ZNF385B: variants seen among roughly 807,000 people sequenced by gnomAD.
The protein encoded by ZNF385B is zinc finger protein 533.
A neutral mutation model predicts 39.2 loss-of-function variants in ZNF385B; 23 were observed. That is an observed-to-expected ratio of 0.59 (90% CI 0.42 to 0.83). ZNF385B has a LOEUF of 0.83. ZNF385B is among the 40% of genes least tolerant of loss of function. The pLI is 0.00. For missense variants in ZNF385B, 552 were observed against 598.9 expected, an observed-to-expected ratio of 0.92 and a Z score of 0.82; for synonymous variants, 205 against 222.6, an observed-to-expected ratio of 0.92 and a Z score of 0.70.
chr2:179,488,931 A>G (rs2054909890), intron 5 of ZNF385B, among the ~76,000 whole-genome samples: 1 of 152,242 alleles, frequency 6.6e-6, no homozygotes, highest in East Asian at 1.9e-4. Flanking sequence ...GATTAAAAAC[A>G]AAGACCCCTA....
At chr2:179,749,709 T>C (rs953752647) in intron 3 of ZNF385B, among the ~76,000 whole-genome samples, 6 of 152,108 alleles carry the variant, frequency 3.9e-5, no homozygotes, top group Non-Finnish European at 7.4e-5. Context: ...TGGGTAACAC[T>C]TCTATTCCAG....
At chr2:179,460,538 T>G (rs989278334) in intron 6 of ZNF385B, among the ~76,000 whole-genome samples, 1 of 152,202 alleles carries the variant, frequency 6.6e-6, no homozygotes, top group Non-Finnish European at 1.5e-5. Flanking sequence ...CTTGCTTTTC[T>G]ACAATCCCTT....
chr2:179,704,355 ATAG>A (rs1699431616), intron 3 of ZNF385B, among the ~76,000 whole-genome samples: 1 of 152,228 alleles, frequency 6.6e-6, no homozygotes, highest in South Asian at 2.1e-4. Context: ...AAAAATGTTA[ATAG>A]TAGTAACTCT....
intron 3 of ZNF385B, among the ~76,000 whole-genome samples, chr2:179,760,711 A>G (rs11674376): frequency 0.27 from 41,674 of 151,984 alleles, 5,884 homozygotes; most frequent in Admixed American, 0.32. Context: ...TCTAAACCCA[A>G]CGGCAAGCAT....
At chr2:179,544,780 A>G in intron 4 of ZNF385B, 47 bp downstream of exon 4, 1 of 1,610,782 alleles carries the variant, frequency 6.2e-7, no homozygotes, top group Non-Finnish European at 8.5e-7. Context: ...AAATGTAATG[A>G]AATTGATGGA....
chr2:179,489,903 G>C (rs1251975426), intron 5 of ZNF385B, among the ~76,000 whole-genome samples: 1 of 152,186 alleles, frequency 6.6e-6, no homozygotes, highest in African/African-American at 2.4e-5. Flanking sequence ...GAGCTTTTTA[G>C]CTTAAAAAGG....
intron 3 of ZNF385B, among the ~76,000 whole-genome samples, chr2:179,740,580 T>C (rs1702029695): frequency 6.6e-6 from 1 of 152,170 alleles, no homozygotes; most frequent in African/African-American, 2.4e-5. Flanking sequence ...GGAAGATCTT[T>C]AGGGATTGAA....
chr2:179,468,114 T>C (rs1574290992), intron 6 of ZNF385B, among the ~76,000 whole-genome samples: 2 of 152,340 alleles, frequency 1.3e-5, no homozygotes, highest in Non-Finnish European at 2.9e-5. Context: ...TGTGCCACTT[T>C]GGAAGCACAA....
intron 3 of ZNF385B, among the ~76,000 whole-genome samples, chr2:179,607,740 T>C (rs986788340): frequency 6.6e-6 from 1 of 152,132 alleles, no homozygotes; most frequent in Non-Finnish European, 1.5e-5. Context: ...TAATTTCTAA[T>C]ATAACATTCA....
At chr2:179,745,959 G>T in intron 3 of ZNF385B, 1 of 1,225,572 alleles carries the variant, frequency 8.2e-7, no homozygotes. Context: ...TTTTAGGGAA[G>T]GACAAGCACA....
At chr2:179,632,198 G>A (rs979008137) in intron 3 of ZNF385B, among the ~76,000 whole-genome samples, 1 of 152,150 alleles carries the variant, frequency 6.6e-6, no homozygotes, top group African/African-American at 2.4e-5. Flanking sequence ...GCAACAAGTA[G>A]ACCTAATAGA....
intron 1 of ZNF385B, among the ~76,000 whole-genome samples, chr2:179,844,857 G>A (rs1343771815): frequency 6.6e-6 from 1 of 152,098 alleles, no homozygotes; most frequent in Admixed American, 6.5e-5. Flanking sequence ...AAAGAGCGTT[G>A]GGTAAAATCA....
intron 3 of ZNF385B, among the ~76,000 whole-genome samples, chr2:179,732,592 A>G (rs1172071258): frequency 6.6e-6 from 1 of 152,180 alleles, no homozygotes; most frequent in Non-Finnish European, 1.5e-5. Flanking sequence ...ATAAGATAAA[A>G]TCACTCCCAT....
At chr2:179,513,495 A>G (rs1197574078) in intron 5 of ZNF385B, among the ~76,000 whole-genome samples, 2 of 152,216 alleles carry the variant, frequency 1.3e-5, no homozygotes, top group Non-Finnish European at 2.9e-5. Context: ...TACAAAGAAA[A>G]TGGCTGACAT....
chr2:179,509,332 T>G (rs1423954562), intron 5 of ZNF385B, among the ~76,000 whole-genome samples: 1 of 152,224 alleles, frequency 6.6e-6, no homozygotes, highest in Non-Finnish European at 1.5e-5. Flanking sequence ...TAAATAATAT[T>G]ATAGTGCTGC....
intron 5 of ZNF385B, among the ~76,000 whole-genome samples, chr2:179,507,800 T>G (rs1281695578): frequency 6.6e-6 from 1 of 152,154 alleles, no homozygotes; most frequent in Non-Finnish European, 1.5e-5. Flanking sequence ...CTTCTTAGCT[T>G]GAAATTTTAA....
At chr2:179,584,748 G>A (rs1686911072) in intron 3 of ZNF385B, among the ~76,000 whole-genome samples, 1 of 148,388 alleles carries the variant, frequency 6.7e-6, no homozygotes, top group South Asian at 2.1e-4. Flanking sequence ...AGGTGTAGAT[G>A]TCCAAAAGAC....
At chr2:179,808,213 C>T (rs373367307) in intron 1 of ZNF385B, among the ~76,000 whole-genome samples, 6,432 of 151,914 alleles carry the variant, frequency 0.042, 346 homozygotes, top group Admixed American at 0.16. Context: ...TTTGTATTTT[C>T]AGTAGAGACG....
chr2:179,450,519 T>G (rs1168353161), intron 6 of ZNF385B, among the ~76,000 whole-genome samples: 2 of 152,166 alleles, frequency 1.3e-5, no homozygotes, highest in African/African-American at 4.8e-5. Context: ...TCACTGGCCA[T>G]CAGAGAAATG....
Sources: gnomAD v4.1 joint callset for allele counts (sites outside exome capture counted in the v4.1 genomes callset) on GRCh38, gnomAD v4.1.1 for gene constraint, MANE v1.5 for transcripts, NCBI Gene and HGNC (gene_info 2026-07-23, HGNC 2026-07-21) for gene names.